Variants in UNC5C observed in about 807,000 individuals in gnomAD.
The protein encoded by UNC5C is unc-5 netrin receptor C.
In UNC5C, 47 loss-of-function variants were observed where a neutral mutation model predicts 99.8. That is an observed-to-expected ratio of 0.47 (90% CI 0.37 to 0.60). The LOEUF is 0.60. Among genes scored for constraint, UNC5C ranks in the 20% least tolerant of loss-of-function variants. The pLI is 0.00. For missense variants in UNC5C, 1,062 were observed against 1,165.9 expected, an observed-to-expected ratio of 0.91 and a Z score of 1.30; for synonymous variants, 487 against 452.2, an observed-to-expected ratio of 1.08 and a Z score of -0.98.
chr4:95,460,465 A>G (rs1480023339), intron 1 of UNC5C, among the ~76,000 whole-genome samples: 6 of 152,102 alleles, frequency 3.9e-5, no homozygotes, highest in Admixed American at 3.9e-4. Context: ...ACCTGCTGGG[A>G]GATAACTGAA....
intron 12 of UNC5C, among the ~76,000 whole-genome samples, chr4:95,190,185 T>C (rs1343377772): frequency 1.3e-5 from 2 of 152,292 alleles, no homozygotes; most frequent in African/African-American, 4.8e-5. Context: ...TTCATGTCCT[T>C]TGTAGGGACA....
intron 12 of UNC5C, among the ~76,000 whole-genome samples, chr4:95,195,066 A>ATCT (rs1468004196): frequency 1.3e-5 from 2 of 152,168 alleles, no homozygotes; most frequent in Admixed American, 1.3e-4. Context: ...TAGATTTAAT[A>ATCT]TCTTCCTTAA....
chr4:95,322,193 C>T (rs950082235), intron 2 of UNC5C, among the ~76,000 whole-genome samples: 2 of 152,188 alleles, frequency 1.3e-5, no homozygotes, highest in African/African-American at 4.8e-5. Context: ...ATTGTTCACT[C>T]TGTTAATGAG....
At chr4:95,306,469 T>C (rs1742066505) in intron 2 of UNC5C, among the ~76,000 whole-genome samples, 1 of 152,180 alleles carries the variant, frequency 6.6e-6, no homozygotes, top group Admixed American at 6.5e-5. Flanking sequence ...CGCAAAGTGA[T>C]GGGATTACAG....
chr4:95,485,166 T>C (rs1415644163), intron 1 of UNC5C, among the ~76,000 whole-genome samples: 1 of 151,824 alleles, frequency 6.6e-6, no homozygotes, highest in Non-Finnish European at 1.5e-5. Context: ...ATCATATTCA[T>C]TATGTGTTCT....
intron 4 of UNC5C, among the ~76,000 whole-genome samples, chr4:95,261,904 C>T (rs936367462): frequency 1.2e-4 from 18 of 152,062 alleles, no homozygotes; most frequent in African/African-American, 1.7e-4. Flanking sequence ...GGGGTTTCAC[C>T]GTGTTAGCCA....
At chr4:95,262,169 A>T (rs1341793993) in intron 4 of UNC5C, among the ~76,000 whole-genome samples, 2 of 152,232 alleles carry the variant, frequency 1.3e-5, no homozygotes, top group African/African-American at 2.4e-5. Flanking sequence ...AGTTGAGAAA[A>T]TAAGGGACTG....
chr4:95,397,112 G>T (rs1358774397), intron 1 of UNC5C, among the ~76,000 whole-genome samples: 1 of 152,296 alleles, frequency 6.6e-6, no homozygotes, highest in Admixed American at 6.5e-5. Flanking sequence ...GCCAAAGGAA[G>T]AGTCTACAGC....
Position 95,513,696 on chromosome 4 carries a change from G to C in UNC5C, c.124+35038C>G, listed in dbSNP as rs1722136564. On this transcript the variant is annotated intron_variant, in intron 1 of 15. Transcript: ENST00000453304. ...TTAAGAGAGAAACAGGTGAAGGAGG[G>C]GCAGGCATTAACGCAACAGCTTTAG... Among the ~76,000 whole-genome samples, 3 of 152,108 alleles carry C rather than the reference G, an allele frequency of 2.0e-5. No homozygotes were observed. The South Asian group carries it at 6.2e-4, about 32-fold the overall frequency.
chr4:95,525,164 C>T (rs1722464624), intron 1 of UNC5C, among the ~76,000 whole-genome samples: 1 of 152,184 alleles, frequency 6.6e-6, no homozygotes. Flanking sequence ...AGCAGCAATT[C>T]TGAGAATGCA....
At chr4:95,475,245 C>A (rs184834917) in intron 1 of UNC5C, among the ~76,000 whole-genome samples, 1 of 152,138 alleles carries the variant, frequency 6.6e-6, no homozygotes, top group East Asian at 1.9e-4. Context: ...CCACTGGGGA[C>A]CCCATGAAAG....
In UNC5C at chr4:95,262,605, T is replaced by A. The variant is rs184658867; in HGVS notation, c.595-11938A>T. On this transcript the variant is annotated intron_variant, in intron 4 of 15. Transcript: ENST00000453304. ...ATGCCAAGTAATTATTTATCAAAACTTGTAGTACATTTGGGTTTTTTAAAA... is the reference window on the plus strand; with the variant it reads ...ATGCCAAGTAATTATTTATCAAAACATGTAGTACATTTGGGTTTTTTAAAA... Among the ~76,000 whole-genome samples the A allele has an allele frequency of 7.2e-5, 11 of 152,258 alleles. No individual in the cohort carries two copies. The East Asian group carries it at 2.1e-3, about 29-fold the overall frequency.
chr4:95,225,102 G>C (rs958049002), intron 7 of UNC5C, among the ~76,000 whole-genome samples: 6 of 152,154 alleles, frequency 3.9e-5, no homozygotes, highest in Admixed American at 3.9e-4. Flanking sequence ...TGTCACCCAG[G>C]CTGGAGTGCA....
chr4:95,222,934 T>C lies in UNC5C; in HGVS notation c.1109-2758A>G, dbSNP rs116116281. Among the ~76,000 whole-genome samples the C allele has an allele frequency of 6.1e-3, 931 of 152,274 alleles. 12 individuals carry two copies. Among genetic ancestry groups the C allele is most frequent in the African/African-American group, 0.021 (882 of 41,548 alleles). On this transcript the variant is annotated intron_variant, in intron 7 of 15. Transcript: ENST00000453304. The stretch of plus-strand genomic sequence containing the variant: ...TTATTTGAAATCATTAGAAAATCAA[T>C]AGGGCCTAGAGGTTATAAGGGTATT...
chr4:95,194,225 A>G (rs567061114), intron 12 of UNC5C, among the ~76,000 whole-genome samples: 2 of 152,314 alleles, frequency 1.3e-5, no homozygotes, highest in South Asian at 2.1e-4. Flanking sequence ...TCTTAGGACA[A>G]CAGTTCTCTC....
chr4:95,427,638 A>ACAT (rs1247732332), intron 1 of UNC5C, among the ~76,000 whole-genome samples: 1 of 152,182 alleles, frequency 6.6e-6, no homozygotes, highest in Non-Finnish European at 1.5e-5. Context: ...TAAGGTATGT[A>ACAT]CATTGTTTTT....
chr4:95,246,997 C>T (rs1025337652), intron 5 of UNC5C, among the ~76,000 whole-genome samples: 32 of 151,658 alleles, frequency 2.1e-4, no homozygotes, highest in Admixed American at 1.2e-3. Context: ...GCCAAGATTG[C>T]GCCACTGCAC....
At chr4:95,250,442 TGC>T in intron 5 of UNC5C, 43 bp downstream of exon 5, 1 of 1,566,232 alleles carries the variant, frequency 6.4e-7, no homozygotes, top group Middle Eastern at 1.7e-4. Context: ...AACGAGAAAC[TGC>T]AGTTAAACAT....
At chr4:95,186,607 G>A (rs1388176130) in intron 12 of UNC5C, among the ~76,000 whole-genome samples, 3 of 152,168 alleles carry the variant, frequency 2.0e-5, no homozygotes, top group African/African-American at 4.8e-5. Context: ...CAAGCTGCTC[G>A]AAGGTCCTAT....
Sources: allele counts gnomAD v4.1 joint callset (sites outside exome capture counted in the v4.1 genomes callset), GRCh38; gene constraint gnomAD v4.1.1; transcripts MANE v1.5; gene names NCBI Gene and HGNC (gene_info 2026-07-23, HGNC 2026-07-21).